The following MLLT1 variants were observed in gnomAD, a reference collection of about 807,000 sequenced individuals.
MLLT1 encodes the protein MLLT1 super elongation complex subunit, also known as protein ENL.
In MLLT1, 11 loss-of-function variants were observed where a neutral mutation model predicts 55.1. That is an observed-to-expected ratio of 0.20 (90% CI 0.13 to 0.33). The LOEUF is 0.33. Ranked by LOEUF, MLLT1 falls within the 10% of genes least tolerant of loss-of-function variation. The probability of loss-of-function intolerance (pLI) is 1.00; values close to 1 mark genes in which losing one functional copy is unlikely to be tolerated. For missense variants in MLLT1, 536 were observed against 760.6 expected, an observed-to-expected ratio of 0.70 and a Z score of 3.47; for synonymous variants, 323 against 320.1, an observed-to-expected ratio of 1.01 and a Z score of -0.10.
Position 6,226,813 on chromosome 19 carries a change from G to A in MLLT1, c.546+164C>T, listed in dbSNP as rs1359209970. ...GGCTTATTCCTGAAATCCTAGGGAA[G>A]CGGCAGTGCGCAGCGAGGGGTGTGC... On this transcript the variant is annotated intron_variant, in intron 5 of 11. Transcript: ENST00000252674. This position sits in a 1 kb window ranked among gnomAD's most constrained non-coding sequence, Gnocchi z 6.3. 1.3e-5 allele frequency among the ~76,000 whole-genome samples: 2 copies of A among 152,098 alleles called. No homozygotes were observed. Among genetic ancestry groups the A allele is most frequent in the Admixed American group, 6.5e-5 (1 of 15,286 alleles).
chr19:6,226,814 C>T lies in MLLT1; in HGVS notation c.546+163G>A, dbSNP rs1287971679. Among the ~76,000 whole-genome samples the T allele has an allele frequency of 6.6e-6, 1 of 152,036 alleles. No individual in the cohort carries two copies. The highest frequency in any genetic ancestry group is 6.5e-5 in the Admixed American group (1 of 15,278). The stretch of plus-strand genomic sequence containing the variant: ...GCTTATTCCTGAAATCCTAGGGAAG[C>T]GGCAGTGCGCAGCGAGGGGTGTGCA... On this transcript the variant is annotated intron_variant, in intron 5 of 11. Coordinates refer to ENST00000252674, the MANE Select transcript of MLLT1 (RefSeq NM_005934.4). This position sits in a 1 kb window ranked among gnomAD's most constrained non-coding sequence, Gnocchi z 6.3.
intron 6 of MLLT1, 109 bp from the exon 7 acceptor site, chr19:6,218,150 C>G: frequency 6.8e-7 from 1 of 1,461,924 alleles, no homozygotes; most frequent in South Asian, 1.4e-5. Flanking sequence ...GGGTCTCCCC[C>G]AGACACCCCT....
intron 3 of MLLT1, among the ~76,000 whole-genome samples, chr19:6,251,692 A>C (rs939652826): frequency 4.6e-5 from 7 of 152,122 alleles, no homozygotes. Flanking sequence ...TGGGAGGCCA[A>C]GGCGGGAGGA....
At chr19:6,257,886 G>A (rs2091271915) in intron 3 of MLLT1, among the ~76,000 whole-genome samples, 1 of 152,182 alleles carries the variant, frequency 6.6e-6, no homozygotes, top group Non-Finnish European at 1.5e-5. Flanking sequence ...CATGTGAAAA[G>A]ACGTGAAACA....
chr19:6,259,481 G>A (rs910021842), intron 3 of MLLT1: 7 of 152,190 alleles, frequency 4.6e-5, no homozygotes, highest in Admixed American at 4.6e-4. Flanking sequence ...AACTTCTGAG[G>A]CTTGACCAAG....
intron 8 of MLLT1, among the ~76,000 whole-genome samples, chr19:6,215,367 G>A (rs549860282): frequency 1.8e-4 from 28 of 152,310 alleles, no homozygotes; most frequent in Admixed American, 3.3e-4. Flanking sequence ...CGAACGAGGC[G>A]GGAGCCTGCT....
intron 3 of MLLT1, among the ~76,000 whole-genome samples, chr19:6,249,951 G>A (rs1443207994): frequency 6.6e-6 from 1 of 151,972 alleles, no homozygotes; most frequent in African/African-American, 2.4e-5. Context: ...GAGGGGAGAG[G>A]TGGAGTCTGC....
chr19:6,213,301 G>A (rs750854102), intron 11 of MLLT1, 36 bp downstream of exon 11: 13 of 1,610,922 alleles, frequency 8.1e-6, no homozygotes, highest in Non-Finnish European at 9.3e-6. Flanking sequence ...CAGGCACCCC[G>A]ACCTCTGCCG....
At position 6,248,438 on chromosome 19, in the gene MLLT1, A is replaced by T. The variant is rs1483012283; in HGVS notation, c.276+13790T>A. On this transcript the variant is annotated intron_variant, in intron 3 of 11. Coordinates refer to ENST00000252674, the MANE Select transcript of MLLT1 (RefSeq NM_005934.4). ...AACAACCAGTGGAGAAACCTGGCAG[A>T]TGCCACTTAACCAGGAGATCAAGGT... is the stretch of plus-strand genomic sequence containing the variant. Among the ~76,000 whole-genome samples, 10 of 152,224 alleles carry T rather than the reference A, an allele frequency of 6.6e-5. No homozygotes were observed. The East Asian group carries it at 1.9e-3, about 29-fold the overall frequency.
At position 6,262,252 on chromosome 19, in the gene MLLT1, G is replaced by A. The variant is rs141932062; in HGVS notation, c.252C>T (p.Pro84=). The stretch of plus-strand genomic sequence containing the variant: ...CCTTGTTTTTGAAGTGCACCTCGAT[G>A]GGCATGATGAAGCCAGCGTACCCCG... The part of the protein sequence containing the change: ...EESGYAGFIM[P]IEVHFKNKEE... The change falls in exon 3 of 12, where the codon CCC becomes CCT. Residue 84 remains proline, a synonymous_variant. Coordinates refer to ENST00000252674, the MANE Select transcript of MLLT1 (RefSeq NM_005934.4). The surrounding 1 kb of genome is among the most constrained non-coding windows in gnomAD (Gnocchi z 4.4). The A allele has an allele frequency of 2.5e-6, 4 of 1,613,770 alleles. No homozygotes were observed. Among genetic ancestry groups the A allele is most frequent in the African/African-American group, 1.3e-5 (1 of 74,882 alleles).
Position 6,270,988 on chromosome 19 carries a change from G to A in MLLT1, c.13-229C>T, listed in dbSNP as rs949129639. The stretch of plus-strand genomic sequence containing the variant: ...GACCCCGTGTCTCCTCTCATCCACC[G>A]CCTCATCCTCAATTCCACCCGCACA... On this transcript the variant is annotated intron_variant, in intron 1 of 11. Coordinates refer to ENST00000252674, the MANE Select transcript of MLLT1 (RefSeq NM_005934.4). The surrounding 1 kb of genome is among the most constrained non-coding windows in gnomAD (Gnocchi z 7.1). Among the ~76,000 whole-genome samples the A allele has an allele frequency of 4.0e-5, 6 of 151,758 alleles. No homozygotes were observed. The highest frequency in any genetic ancestry group is 9.7e-5 in the African/African-American group (4 of 41,296).
At chr19:6,261,091 TGG>T (rs777094769) in intron 3 of MLLT1, among the ~76,000 whole-genome samples, 1 of 152,108 alleles carries the variant, frequency 6.6e-6, no homozygotes, top group Non-Finnish European at 1.5e-5. Context: ...CGGATACAGC[TGG>T]GGAGACTGGG....
Position 6,213,418 on chromosome 19 carries a change from G to A in MLLT1, c.1480-10C>T, listed in dbSNP as rs201066234. 2 of 1,609,754 alleles carry A rather than the reference G, an allele frequency of 1.2e-6. No individual in the cohort carries two copies. The highest frequency in any genetic ancestry group is 2.2e-5 in the East Asian group (1 of 44,868). On this transcript the variant is annotated splice_polypyrimidine_tract_variant and intron_variant, in intron 10 of 11. Coordinates refer to ENST00000252674, the MANE Select transcript of MLLT1 (RefSeq NM_005934.4). ...GCTCATCCGTGTAGGCCTGGGGAGG[G>A]GGGGCAGGTCTCAGCAGCGTGTGGG...
At chr19:6,265,625 G>A (rs536693270) in intron 2 of MLLT1, among the ~76,000 whole-genome samples, 5 of 151,872 alleles carry the variant, frequency 3.3e-5, no homozygotes, top group Admixed American at 2.0e-4. Context: ...AGCCAAGATC[G>A]CGCCATTGCA....
At chr19:6,237,920 C>T (rs980795252) in intron 3 of MLLT1, among the ~76,000 whole-genome samples, 1 of 152,086 alleles carries the variant, frequency 6.6e-6, no homozygotes, top group African/African-American at 2.4e-5. Flanking sequence ...CTCATGCACA[C>T]AGTGAGATCT....
At chr19:6,244,363 T>TA (rs113974980) in intron 3 of MLLT1, among the ~76,000 whole-genome samples, 5 of 147,346 alleles carry the variant, frequency 3.4e-5, no homozygotes, top group African/African-American at 1.0e-4. Context: ...TAAACGAACA[T>TA]TAAAAAAAAA....
intron 2 of MLLT1, chr19:6,263,127 T>C (rs1472196774): frequency 1.3e-5 from 2 of 152,274 alleles, no homozygotes; most frequent in Non-Finnish European, 2.9e-5. Context: ...GAGGTTGCAG[T>C]AAGCGGAGAT....
intron 7 of MLLT1, among the ~76,000 whole-genome samples, chr19:6,217,560 C>T (rs1469822014): frequency 3.9e-5 from 6 of 152,202 alleles, no homozygotes; most frequent in Admixed American, 6.5e-5. Context: ...AGACCCCGGC[C>T]GTCCACAGGC....
intron 7 of MLLT1, among the ~76,000 whole-genome samples, chr19:6,217,699 C>T (rs2090858605): frequency 6.6e-6 from 1 of 152,232 alleles, no homozygotes; most frequent in Non-Finnish European, 1.5e-5. Flanking sequence ...AGCCCCTCAC[C>T]AGCCTGGCTC....
Sources: allele counts gnomAD v4.1 joint callset (sites outside exome capture counted in the v4.1 genomes callset), GRCh38; gene constraint gnomAD v4.1.1; non-coding constraint Gnocchi (gnomAD v3.1); transcripts MANE v1.5; gene names NCBI Gene and HGNC (gene_info 2026-07-23, HGNC 2026-07-21).